OSBPL3: variants seen among roughly 807,000 people sequenced by gnomAD.
OSBPL3 encodes the protein oxysterol binding protein like 3.
A neutral mutation model predicts 120.1 loss-of-function variants in OSBPL3; 65 were observed. That is an observed-to-expected ratio of 0.54 (90% CI 0.44 to 0.67). The LOEUF (loss-of-function observed/expected upper bound fraction) is 0.67. Among genes scored for constraint, OSBPL3 ranks in the 30% least tolerant of loss-of-function variants. The pLI, the probability that OSBPL3 is intolerant of heterozygous loss-of-function variation, is 0.00. For missense variants in OSBPL3, 1,004 were observed against 1,082.1 expected (o/e 0.93, Z 1.01); for synonymous variants, 416 against 402.6 (o/e 1.03, Z -0.40).
At chr7:24,934,739 T>TA (rs1234197854) in intron 1 of OSBPL3, among the ~76,000 whole-genome samples, 1 of 152,214 alleles carries the variant, frequency 6.6e-6, no homozygotes, top group Non-Finnish European at 1.5e-5. Context: ...TCAGAAGTGA[T>TA]ATAATGACAC....
rs562292597 is a variant in OSBPL3 at position 24,881,925 on chromosome 7, CTA to C, written c.97-9858_97-9857del. On this transcript the variant is annotated intron_variant, in intron 2 of 22. Coordinates refer to ENST00000313367, the MANE Select transcript of OSBPL3 (RefSeq NM_015550.4). The surrounding 1 kb of genome is among the most constrained non-coding windows in gnomAD (Gnocchi z 4.3). ...CTCCACCATCACATCACCTTTTCCTCTATGTCTGTCTTCTCCCGAACGTGTTT... is the reference window on the plus strand; with the variant it reads ...CTCCACCATCACATCACCTTTTCCTCTGTCTGTCTTCTCCCGAACGTGTTT... Among the ~76,000 whole-genome samples the C allele has an allele frequency of 6.8e-4, 104 of 152,246 alleles. No individual in the cohort carries two copies. The highest frequency in any genetic ancestry group is 2.5e-3 in the African/African-American group (102 of 41,558).
intron 1 of OSBPL3, among the ~76,000 whole-genome samples, chr7:24,923,794 G>A (rs1810706815): frequency 6.6e-6 from 1 of 152,176 alleles, no homozygotes; most frequent in Non-Finnish European, 1.5e-5. Flanking sequence ...TGTCTGCTGA[G>A]TGGGAGGCCC....
intron 22 of OSBPL3, among the ~76,000 whole-genome samples, chr7:24,800,991 T>C (rs868356945): frequency 2.0e-5 from 3 of 150,326 alleles, no homozygotes; most frequent in African/African-American, 7.3e-5. Flanking sequence ...GCCTGTAATC[T>C]CGGTACTTTG....
intron 18 of OSBPL3, 63 bp downstream of exon 18, chr7:24,816,547 C>A (rs1471016175): frequency 6.9e-6 from 8 of 1,152,586 alleles, no homozygotes; most frequent in East Asian, 2.4e-5. Context: ...GGCATCCTGT[C>A]CCCAAAGCAA....
At chr7:24,847,916 A>G (rs143755411) in intron 12 of OSBPL3, among the ~76,000 whole-genome samples, 779 of 152,354 alleles carry the variant, frequency 5.1e-3, no homozygotes, top group Non-Finnish European at 7.9e-3. Context: ...CTGGGCTAAC[A>G]TAACTGAAAA....
intron 1 of OSBPL3, among the ~76,000 whole-genome samples, chr7:24,935,048 AC>A (rs1279883252): frequency 1.3e-5 from 2 of 152,154 alleles, no homozygotes; most frequent in African/African-American, 4.8e-5. Flanking sequence ...GGTTGTTTGT[AC>A]TAGTAAAGAA....
rs926770093 is a variant in OSBPL3, at chr7:24,862,721, T to G, written c.870+479A>C. Among the ~76,000 whole-genome samples the G allele has an allele frequency of 3.3e-5, 5 of 152,040 alleles. No homozygotes were observed. The highest frequency in any genetic ancestry group is 2.0e-4 in the Admixed American group (3 of 15,268). ...ACACAGTGAATCCTGGATGAGGGAT[T>G]GGGAGTTTGGAGATAAGAGGCCAAG... On this transcript the variant is annotated intron_variant, in intron 9 of 22. Coordinates refer to ENST00000313367, the MANE Select transcript of OSBPL3 (RefSeq NM_015550.4). The surrounding 1 kb of genome is among the most constrained non-coding windows in gnomAD (Gnocchi z 4.4).
Position 24,808,219 on chromosome 7 carries a change from C to G in OSBPL3, c.2318-1317G>C, listed in dbSNP as rs1238858413. 6.6e-6 allele frequency among the ~76,000 whole-genome samples: 1 copy of G among 152,082 alleles called. No individual in the cohort carries two copies. Among genetic ancestry groups the G allele is most frequent in the Non-Finnish European group, 1.5e-5 (1 of 68,002 alleles). ...CCCGACTGGGACCCATTTTTTGAAT[C>G]TTCATAAGTCCTCCTTGTAACTAGT... On this transcript the variant is annotated intron_variant, in intron 20 of 22. Transcript: ENST00000313367. This position sits in a 1 kb window ranked among gnomAD's most constrained non-coding sequence, Gnocchi z 4.6.
rs1405088810 is a variant in OSBPL3 at position 24,918,663 on chromosome 7, A to G, written c.-149-26042T>C. Among the ~76,000 whole-genome samples, 11 of 152,224 alleles carry G rather than the reference A, an allele frequency of 7.2e-5. No individual in the cohort carries two copies. The highest frequency in any genetic ancestry group is 1.3e-4 in the Non-Finnish European group (9 of 68,044). ...AACAAATGTTCACTAATCACTTACC[A>G]TTGGTCAGGCACAGTTTTAGACACT... On this transcript the variant is annotated intron_variant, in intron 1 of 22. Coordinates refer to ENST00000313367, the MANE Select transcript of OSBPL3 (RefSeq NM_015550.4). This position sits in a 1 kb window ranked among gnomAD's most constrained non-coding sequence, Gnocchi z 4.3.
chr7:24,869,628 C>T (rs991196132), intron 5 of OSBPL3, among the ~76,000 whole-genome samples: 3 of 152,132 alleles, frequency 2.0e-5, no homozygotes, highest in Admixed American at 1.3e-4. Flanking sequence ...TGTACAAAGT[C>T]GGCCTCCCAC....
At chr7:24,837,064 A>G (rs941333081) in intron 14 of OSBPL3, among the ~76,000 whole-genome samples, 5 of 152,114 alleles carry the variant, frequency 3.3e-5, no homozygotes, top group African/African-American at 4.8e-5. Flanking sequence ...CAAATTCCTG[A>G]GCTCAAGTGA....
rs1796368453 is a variant in OSBPL3, at chr7:24,831,554, C to T, written c.1747-649G>A. 6.6e-6 allele frequency among the ~76,000 whole-genome samples: 1 copy of T among 152,162 alleles called. No homozygotes were observed. The highest frequency in any genetic ancestry group is 1.5e-5 in the Non-Finnish European group (1 of 68,016). ...AAACTTTACGTGAACACGAAGTGAA[C>T]AAACTCTCTGGGCAGCCCTTACTGT... On this transcript the variant is annotated intron_variant, in intron 15 of 22. Transcript: ENST00000313367. This position sits in a 1 kb window ranked among gnomAD's most constrained non-coding sequence, Gnocchi z 4.0.
chr7:24,979,759 C>G (rs1273481991), intron 1 of OSBPL3, 127 bp downstream of exon 1: 1 of 446,730 alleles, frequency 2.2e-6, no homozygotes, highest in Non-Finnish European at 3.0e-6. Flanking sequence ...CCTCCCCGGG[C>G]GACTCGGACA....
At chr7:24,868,101 G>C (rs899826231) in intron 5 of OSBPL3, among the ~76,000 whole-genome samples, 1 of 152,182 alleles carries the variant, frequency 6.6e-6, no homozygotes, top group Non-Finnish European at 1.5e-5. Flanking sequence ...GGTGGATCAT[G>C]AGGTCAGGAG....
chr7:24,800,227 T>G lies in OSBPL3; in HGVS notation c.2620A>C (p.Lys874Gln). The change falls in exon 23 of 23, where the codon AAA becomes CAA. Residue 874 changes from lysine (K) to glutamine (Q), a missense_variant. Around this residue, in one of 4 missense-constraint regions of OSBPL3, gnomAD observed 473 missense variants for 568.0 expected, o/e 0.83. Transcript: ENST00000313367. ...VSNGTYLELRKDLGFSKLDHP... is the reference protein window; with the variant it reads ...VSNGTYLELRQDLGFSKLDHP... ...TCCAGTTTGGAAAAACCAAGATCTT[T>G]TCTAAGTTCCAAATAGGTGCCGTTG... is the stretch of plus-strand genomic sequence containing the variant. The G allele has an allele frequency of 6.2e-7, 1 of 1,611,938 alleles. No homozygotes were observed. The highest frequency in any genetic ancestry group is 8.5e-7 in the Non-Finnish European group (1 of 1,178,134).
Position 24,892,362 on chromosome 7 carries a change from T to C in OSBPL3, c.96+15A>G, listed in dbSNP as rs759831278. On this transcript the variant is annotated intron_variant, in intron 2 of 22. Coordinates refer to ENST00000313367, the MANE Select transcript of OSBPL3 (RefSeq NM_015550.4). ...TTACATTTGCATATTAAAATTTGCA[T>C]GAGTTAAACTTTACCTGTCGACTTC... 1 of 1,608,070 alleles carries C rather than the reference T, an allele frequency of 6.2e-7. No individual in the cohort carries two copies. Among genetic ancestry groups the C allele is most frequent in the Non-Finnish European group, 8.5e-7 (1 of 1,174,954 alleles).
chr7:24,809,838 G>A lies in OSBPL3; in HGVS notation c.2286C>T (p.Gly762=), dbSNP rs766377315. 9.3e-6 allele frequency: 15 copies of A among 1,613,966 alleles called. No individual in the cohort carries two copies. The highest frequency in any genetic ancestry group is 6.6e-5 in the South Asian group (6 of 91,072). ...GKWHESIYCG[G]GSSSACVWRA... Reference sequence around the variant, plus strand: ...TCCATACACAGGCAGAAGAGGAGCCGCCGCCACAGTAGATGCTTTCATGCC... The same window carrying A: ...TCCATACACAGGCAGAAGAGGAGCCACCGCCACAGTAGATGCTTTCATGCC... Residue 762 remains glycine, a synonymous_variant, in exon 20 of 23, where the codon GGC becomes GGT. Transcript: ENST00000313367.
intron 1 of OSBPL3, among the ~76,000 whole-genome samples, chr7:24,914,173 G>A (rs774201024): frequency 6.6e-6 from 1 of 151,988 alleles, no homozygotes; most frequent in Non-Finnish European, 1.5e-5. Context: ...TAACAAGGGA[G>A]AAGAGACAAG....
In OSBPL3 at chr7:24,896,229, C is replaced by A. The variant is rs1022510267; in HGVS notation, c.-149-3608G>T. Among the ~76,000 whole-genome samples, 5 of 152,188 alleles carry A rather than the reference C, an allele frequency of 3.3e-5. No individual in the cohort carries two copies. The highest frequency in any genetic ancestry group is 7.3e-5 in the Non-Finnish European group (5 of 68,040). On this transcript the variant is annotated intron_variant, in intron 1 of 22. Coordinates refer to ENST00000313367, the MANE Select transcript of OSBPL3 (RefSeq NM_015550.4). This position sits in a 1 kb window ranked among gnomAD's most constrained non-coding sequence, Gnocchi z 4.4. ...AGGTTGAGGAGGAGAGAACTTATGG[C>A]CCTTTCCTTCCTCTAAATCACAGAG...
Sources: gnomAD v4.1 joint callset for allele counts (sites outside exome capture counted in the v4.1 genomes callset) on GRCh38, gnomAD v4.1.1 for gene constraint, gnomAD v4.1.1 regional missense constraint, Gnocchi (gnomAD v3.1) non-coding constraint, MANE v1.5 for transcripts, NCBI Gene and HGNC (gene_info 2026-07-23, HGNC 2026-07-21) for gene names.